Variants in APP observed in about 807,000 individuals in gnomAD.
The protein encoded by APP is amyloid-beta precursor protein.
APP carries 31 observed loss-of-function variants against 101.4 expected under a neutral mutation model. The observed-to-expected ratio is 0.31, with a 90% CI of 0.23 to 0.41. The LOEUF is 0.41. Among genes scored for constraint, APP ranks in the 10% least tolerant of loss-of-function variants. The pLI is 1.00. For synonymous variants in APP, 366 were observed against 364.4 expected (o/e 1.00, Z -0.05); for missense variants, 839 against 1,003.7 (o/e 0.84, Z 2.22).
intron 3 of APP, among the ~76,000 whole-genome samples, chr21:26,082,439 TA>T: frequency 6.6e-6 from 1 of 152,228 alleles, no homozygotes; most frequent in South Asian, 2.1e-4. Context: ...TGTGTATACA[TA>T]AAAGCAATAT....
At chr21:25,927,681 A>C (rs1380092958) in intron 13 of APP, among the ~76,000 whole-genome samples, 1 of 76 alleles carries the variant, frequency 0.013, no homozygotes, top group East Asian at 0.5. Flanking sequence ...TATGGTAACA[A>C]ACTGCCCTGG....
At position 25,881,520 on chromosome 21, in the gene APP, T is replaced by C; in HGVS notation, c.*150A>G. 1 of 828,332 alleles carries C rather than the reference T, an allele frequency of 1.2e-6. No individual in the cohort carries two copies. The highest frequency in any genetic ancestry group is 2.0e-6 in the Non-Finnish European group (1 of 493,084). 51.3% of individuals were successfully genotyped at this position (828,332 alleles called of 1,614,324 possible). On this transcript the variant is annotated 3_prime_UTR_variant, in exon 18 of 18. Coordinates refer to ENST00000346798, the MANE Select transcript of APP (RefSeq NM_000484.4). ...GTGGATTAATTCAAGTTCAGGCATC[T>C]ACTTGTGTTACAGCACAGCTGTCAA...
intron 2 of APP, among the ~76,000 whole-genome samples, chr21:26,100,924 A>AATCTCTG (rs1381187493): frequency 1.3e-5 from 2 of 152,146 alleles, no homozygotes; most frequent in African/African-American, 4.8e-5. Flanking sequence ...TTGAGGCTTA[A>AATCTCTG]CCTGTTCAAA....
intron 1 of APP, chr21:26,158,292 C>G (rs2830099): frequency 0.35 from 52,783 of 152,154 alleles, 9,764 homozygotes; most frequent in African/African-American, 0.49. Flanking sequence ...AAAGCCTACT[C>G]TAATCGCTCA....
chr21:26,164,805 G>A (rs182346006), intron 1 of APP, among the ~76,000 whole-genome samples: 12 of 148,544 alleles, frequency 8.1e-5, no homozygotes, highest in East Asian at 7.9e-4. Context: ...GCAGTGAGCC[G>A]AGATCGCGCC....
intron 6 of APP, among the ~76,000 whole-genome samples, chr21:26,002,046 T>A (rs1310297886): frequency 6.6e-5 from 10 of 152,260 alleles, no homozygotes; most frequent in Non-Finnish European, 1.5e-4. Context: ...GAGTATTGTG[T>A]ACAGAAATCC....
intron 6 of APP, among the ~76,000 whole-genome samples, chr21:26,016,129 C>T (rs968270586): frequency 5.3e-5 from 8 of 152,150 alleles, no homozygotes; most frequent in Admixed American, 5.2e-4. Flanking sequence ...ATCCCAGGTC[C>T]AAGCAATTCC....
chr21:25,994,393 T>C (rs1394712713), intron 8 of APP, among the ~76,000 whole-genome samples: 1 of 152,198 alleles, frequency 6.6e-6, no homozygotes, highest in Admixed American at 6.5e-5. Context: ...CAGCCTTATA[T>C]TTGTGGTTTA....
rs529344337 is a variant in APP at position 26,121,549 on chromosome 21, G to A, written c.58-9403C>T. 1.9e-4 allele frequency among the ~76,000 whole-genome samples: 29 copies of A among 152,028 alleles called. 2 individuals carry two copies. The South Asian group carries it at 2.3e-3, about 12-fold the overall frequency. The stretch of plus-strand genomic sequence containing the variant: ...ATTACAGGCGCGCGTCACCACACCC[G>A]GCTAATTTTTGTATTTTTAGTAGAG... On this transcript the variant is annotated intron_variant, in intron 1 of 17. Transcript: ENST00000346798.
chr21:26,066,797 T>C (rs2046472381), intron 3 of APP, among the ~76,000 whole-genome samples: 1 of 152,078 alleles, frequency 6.6e-6, no homozygotes, highest in South Asian at 2.1e-4. Context: ...TTATAGAAGT[T>C]ACAAAATAAG....
At chr21:25,931,307 G>A (rs903951883) in intron 13 of APP, among the ~76,000 whole-genome samples, 12 of 152,166 alleles carry the variant, frequency 7.9e-5, no homozygotes, top group Non-Finnish European at 1.6e-4. Context: ...GAGGCACAGA[G>A]GACAAGCTGC....
chr21:26,066,492 C>A (rs1354210001), intron 3 of APP, among the ~76,000 whole-genome samples: 2 of 151,456 alleles, frequency 1.3e-5, no homozygotes, highest in Non-Finnish European at 2.9e-5. Context: ...CCCATTCCCC[C>A]ACCTCCACTC....
At chr21:25,902,128 G>A (rs949067570) in intron 15 of APP, among the ~76,000 whole-genome samples, 2 of 152,110 alleles carry the variant, frequency 1.3e-5, no homozygotes, top group Non-Finnish European at 1.5e-5. Flanking sequence ...GAGAGTTAAG[G>A]AGAAGCCATT....
chr21:25,898,679 TTCCA>T (rs2038240751), intron 15 of APP, among the ~76,000 whole-genome samples: 1 of 152,210 alleles, frequency 6.6e-6, no homozygotes, highest in Non-Finnish European at 1.5e-5. Context: ...TCCCTGTAAC[TTCCA>T]TCCTTTGAGC....
intron 1 of APP, among the ~76,000 whole-genome samples, chr21:26,168,674 T>C (rs994912436): frequency 1.3e-5 from 2 of 152,236 alleles, no homozygotes; most frequent in Non-Finnish European, 2.9e-5. Context: ...TTTTAATCTG[T>C]AGTAAGACCA....
chr21:26,024,688 C>G (rs1390155541), intron 5 of APP, among the ~76,000 whole-genome samples: 1 of 152,168 alleles, frequency 6.6e-6, no homozygotes, highest in Non-Finnish European at 1.5e-5. Context: ...GCATGTGTTA[C>G]ACAAGTTGTA....
chr21:25,965,356 AAGAG>A (rs776003522), intron 11 of APP, among the ~76,000 whole-genome samples: 10 of 152,248 alleles, frequency 6.6e-5, no homozygotes, highest in Non-Finnish European at 1.2e-4. Context: ...TTGACTTTTT[AAGAG>A]AGATTTACAG....
intron 13 of APP, among the ~76,000 whole-genome samples, chr21:25,941,152 A>C (rs1265239056): frequency 6.6e-6 from 1 of 152,234 alleles, no homozygotes; most frequent in Non-Finnish European, 1.5e-5. Context: ...AATGTTAGAC[A>C]CATGTAATAG....
Position 25,982,348 on chromosome 21 carries a change from G to A in APP, c.1220C>T (p.Ser407Phe). The A allele has an allele frequency of 6.2e-7, 1 of 1,613,760 alleles. No individual in the cohort carries two copies. The highest frequency in any genetic ancestry group is 8.5e-7 in the Non-Finnish European group (1 of 1,179,774). ...RLEAKHRERMSQVMREWEEAE... is the reference protein window; with the variant it reads ...RLEAKHRERMFQVMREWEEAE... ...TGATGGAAGAGCCAGACTTACCTGG[G>A]ACATTCTCTCTCGGTGCTTGGCCTC... Residue 407 changes from serine (S) to phenylalanine (F), a missense_variant, in exon 9 of 18, where the codon TCC (serine) becomes TTC (phenylalanine). Physicochemically the swap from Ser to Phe is radical, Grantham distance 155. Coordinates refer to ENST00000346798, the MANE Select transcript of APP (RefSeq NM_000484.4).
Sources: gnomAD v4.1 joint callset for allele counts (sites outside exome capture counted in the v4.1 genomes callset) on GRCh38, gnomAD v4.1.1 for gene constraint, MANE v1.5 for transcripts, NCBI Gene and HGNC (gene_info 2026-07-23, HGNC 2026-07-21) for gene names.